Variants in MTA3 observed in about 807,000 individuals in gnomAD.
The protein encoded by MTA3 is metastasis-associated protein MTA3.
In MTA3, 34 loss-of-function variants were observed where a neutral mutation model predicts 83.5. That is an observed-to-expected ratio of 0.41 (90% CI 0.31 to 0.54). MTA3 has a LOEUF of 0.54. Ranked by LOEUF, MTA3 falls within the 20% of genes least tolerant of loss-of-function variation. The pLI, the probability that MTA3 is intolerant of heterozygous loss-of-function variation, is 0.33. For missense variants in MTA3, 761 were observed against 726.4 expected, an observed-to-expected ratio of 1.05 and a Z score of -0.55; for synonymous variants, 303 against 252.7, an observed-to-expected ratio of 1.20 and a Z score of -1.89.
At chr2:42,659,927 T>C (rs1689514965) in intron 8 of MTA3, 65 bp downstream of exon 8, 3 of 1,313,338 alleles carry the variant, frequency 2.3e-6, no homozygotes, top group South Asian at 1.4e-5. Flanking sequence ...TTTAAAGCCA[T>C]TGTGGCAATA....
At chr2:42,723,377 C>T in intron 16 of MTA3, 1 of 207,734 alleles carries the variant, frequency 4.8e-6, no homozygotes, top group Non-Finnish European at 9.7e-6. Flanking sequence ...GATTATTTTG[C>T]CTTATGTCTA....
chr2:42,655,098 T>C (rs1005446393), intron 6 of MTA3, among the ~76,000 whole-genome samples: 7 of 152,176 alleles, frequency 4.6e-5, no homozygotes, highest in Admixed American at 3.3e-4. Context: ...CTGCTATGTC[T>C]CTCTCTCTCC....
intron 6 of MTA3, among the ~76,000 whole-genome samples, chr2:42,653,297 A>T (rs981721408): frequency 2.0e-5 from 3 of 152,172 alleles, no homozygotes; most frequent in Admixed American, 6.5e-5. Context: ...TACGTGGAGG[A>T]GGAAGGGGAG....
At chr2:42,590,825 T>G (rs1490466690) in intron 3 of MTA3, among the ~76,000 whole-genome samples, 1 of 152,082 alleles carries the variant, frequency 6.6e-6, no homozygotes, top group Admixed American at 6.6e-5. Flanking sequence ...TTCACCACAT[T>G]GGCCCGACTG....
chr2:42,627,473 G>C (rs1686219846), intron 4 of MTA3, among the ~76,000 whole-genome samples: 1 of 152,092 alleles, frequency 6.6e-6, no homozygotes. Context: ...TTTCTTCTTA[G>C]TCTTTCCCTT....
chr2:42,603,971 G>C (rs1382545010), intron 3 of MTA3, among the ~76,000 whole-genome samples: 1 of 152,160 alleles, frequency 6.6e-6, no homozygotes, highest in Non-Finnish European at 1.5e-5. Context: ...GGATGGTCTC[G>C]ATCTCCTGAC....
At chr2:42,553,231 C>T (rs1289870896) in intron 2 of MTA3, among the ~76,000 whole-genome samples, 1 of 151,654 alleles carries the variant, frequency 6.6e-6, no homozygotes, top group Non-Finnish European at 1.5e-5. Context: ...CGAGACAATC[C>T]TGGCTAACGC....
chr2:42,747,147 A>G (rs1669502320), intron 16 of MTA3, among the ~76,000 whole-genome samples: 1 of 152,004 alleles, frequency 6.6e-6, no homozygotes. Context: ...CCACAGTCAC[A>G]TGCCACCATT....
At chr2:42,500,500 G>A (rs960846815) in intron 2 of MTA3, among the ~76,000 whole-genome samples, 28 of 152,186 alleles carry the variant, frequency 1.8e-4, no homozygotes, top group African/African-American at 6.5e-4. Context: ...GGATGCCAGT[G>A]CACTCCAGCC....
At chr2:42,581,223 G>C (rs899748828) in intron 3 of MTA3, among the ~76,000 whole-genome samples, 1 of 151,982 alleles carries the variant, frequency 6.6e-6, no homozygotes, top group African/African-American at 2.4e-5. Context: ...GCATATCAAG[G>C]CTTCACATTT....
At chr2:42,573,776 G>A (rs1678740967) in intron 2 of MTA3, among the ~76,000 whole-genome samples, 1 of 152,058 alleles carries the variant, frequency 6.6e-6, no homozygotes, top group Admixed American at 6.6e-5. Flanking sequence ...CTCCCAAAGT[G>A]CTGAGATTAC....
intron 5 of MTA3, among the ~76,000 whole-genome samples, chr2:42,641,684 A>T (rs1573436305): frequency 6.6e-6 from 1 of 152,092 alleles, no homozygotes; most frequent in South Asian, 2.1e-4. Flanking sequence ...TGTATCTGCT[A>T]AAAATACAAA....
chr2:42,632,300 C>T (rs1686759656), intron 4 of MTA3, among the ~76,000 whole-genome samples: 1 of 151,864 alleles, frequency 6.6e-6, no homozygotes, highest in South Asian at 2.1e-4. Flanking sequence ...CCGTGTTAGC[C>T]AGGATGGTCT....
intron 2 of MTA3, among the ~76,000 whole-genome samples, chr2:42,503,631 G>A (rs1674496746): frequency 6.6e-6 from 1 of 152,142 alleles, no homozygotes; most frequent in Non-Finnish European, 1.5e-5. Flanking sequence ...AATTTACCTT[G>A]AAGGAGCTCA....
chr2:42,641,473 T>C (rs1687686406), intron 5 of MTA3, among the ~76,000 whole-genome samples: 1 of 152,156 alleles, frequency 6.6e-6, no homozygotes. Flanking sequence ...ATATGGATAA[T>C]GATAATGCCC....
rs139357602 is a variant in MTA3 at position 42,534,162 on chromosome 2, G to A, written c.-140-36275G>A. Among the ~76,000 whole-genome samples the A allele has an allele frequency of 1.7e-3, 252 of 152,200 alleles. 2 individuals carry two copies. The highest frequency in any genetic ancestry group is 5.8e-3 in the African/African-American group (239 of 41,544). On this transcript the variant is annotated intron_variant, in intron 2 of 17. Transcript: ENST00000405592. ...CTTGGTGGAAGATCCTAACATGTTC[G>A]GTAGGATTCTGAAGGTAGGGAGCAG...
At chr2:42,654,408 A>G (rs1475662597) in intron 6 of MTA3, among the ~76,000 whole-genome samples, 1 of 152,252 alleles carries the variant, frequency 6.6e-6, no homozygotes, top group Non-Finnish European at 1.5e-5. Flanking sequence ...TGCAGTGATC[A>G]AAAGCAAAAC....
At chr2:42,578,162 G>T (rs974129397) in intron 2 of MTA3, among the ~76,000 whole-genome samples, 1 of 152,114 alleles carries the variant, frequency 6.6e-6, no homozygotes, top group Non-Finnish European at 1.5e-5. Context: ...TAAGACCAGA[G>T]AAATTTCTGA....
chr2:42,695,385 A>G (rs1416266332), intron 9 of MTA3, among the ~76,000 whole-genome samples: 1 of 152,016 alleles, frequency 6.6e-6, no homozygotes, highest in African/African-American at 2.4e-5. Context: ...CTGTAATCTC[A>G]GCACTTTGGG....
Sources: gnomAD v4.1 joint callset for allele counts (sites outside exome capture counted in the v4.1 genomes callset) on GRCh38, gnomAD v4.1.1 for gene constraint, MANE v1.5 for transcripts, NCBI Gene and HGNC (gene_info 2026-07-23, HGNC 2026-07-21) for gene names.